PKD1: variants seen among roughly 807,000 people sequenced by gnomAD.
PKD1 encodes polycystin-1.
PKD1 carries 81 observed loss-of-function variants against 361.7 expected under a neutral mutation model. The observed-to-expected ratio is 0.22, with a 90% CI of 0.19 to 0.27. The LOEUF is 0.27. Among genes scored for constraint, PKD1 ranks in the 10% least tolerant of loss-of-function variants. The probability of loss-of-function intolerance (pLI) is 1.00; values close to 1 mark genes in which losing one functional copy is unlikely to be tolerated. For synonymous variants in PKD1, 3,615 were observed against 2,818.3 expected (o/e 1.28, Z -8.95); for missense variants, 6,399 against 6,118.3 (o/e 1.05, Z -1.53).
In PKD1 at chr16:2,109,223, G is replaced by A. The variant is rs775047045; in HGVS notation, c.5944C>T (p.Pro1982Ser). The change falls in exon 15 of 46, where the codon CCT becomes TCT. Residue 1982 changes from proline (P) to serine (S), a missense_variant. Coordinates refer to ENST00000262304, the MANE Select transcript of PKD1 (RefSeq NM_001009944.3). Reference sequence around the variant, plus strand: ...CTCTCAGTGCCCGTGGCGATGCCAGGCTCGCAGCAGTTGGGCACCTGCAGC... The same window carrying A: ...CTCTCAGTGCCCGTGGCGATGCCAGACTCGCAGCAGTTGGGCACCTGCAGC... ...SGLQVPNCCEPGIATGTERNF... is the reference protein window; with the variant it reads ...SGLQVPNCCESGIATGTERNF... The A allele has an allele frequency of 6.3e-7, 1 of 1,591,492 alleles. No homozygotes were observed. The highest frequency in any genetic ancestry group is 8.6e-7 in the Non-Finnish European group (1 of 1,167,840).
At chr16:2,103,241 C>T (rs369196446) in intron 23 of PKD1, 25 bp downstream of exon 23, 54 of 1,607,540 alleles carry the variant, frequency 3.4e-5, no homozygotes, top group East Asian at 3.1e-4. Context: ...CAGGGGGCCG[C>T]GTGTGCCCCA....
rs777585821 is a variant in PKD1, at chr16:2,092,076, C to A, written c.11382G>T (p.Thr3794=). ...GWESPHNGSG[T]WAYSAPDLLG... ...GCAGATCCGGCGCTGAATAGGCCCA[C>A]GTCCCCGAGCCATTGTGAGGACTCT... Residue 3794 remains threonine, a synonymous_variant, in exon 40 of 46, where the codon ACG becomes ACT. Transcript: ENST00000262304. 2 of 1,612,726 alleles carry A rather than the reference C, an allele frequency of 1.2e-6. No homozygotes were observed. Among genetic ancestry groups the A allele is most frequent in the East Asian group, 2.2e-5 (1 of 44,876 alleles).
rs1195047924 is a variant in PKD1 at position 2,111,142 on chromosome 16, C to A, written c.4025G>T (p.Cys1342Phe). 1.2e-6 allele frequency: 2 copies of A among 1,611,002 alleles called. No individual in the cohort carries two copies. Among genetic ancestry groups the A allele is most frequent in the South Asian group, 1.1e-5 (1 of 91,002 alleles). The change falls in exon 15 of 46, where the codon TGC becomes TTC. Residue 1342 changes from cysteine to phenylalanine, a missense_variant. Physicochemically the swap from Cys to Phe is radical, Grantham distance 205. Coordinates refer to ENST00000262304, the MANE Select transcript of PKD1 (RefSeq NM_001009944.3). ...CGTGAAGTTGTGTGTCACCGTCGGG[C>A]ACCCCCGCACGGTCGTGTTGGAGGA... ...DGSSNTTVRG[C>F]PTVTHNFTRS... is the part of the protein sequence containing the mutation.
Position 2,089,550 on chromosome 16 carries a change from T to C in PKD1, c.*177A>G, listed in dbSNP as rs2151669139. On this transcript the variant is annotated 3_prime_UTR_variant, in exon 46 of 46. Coordinates refer to ENST00000262304, the MANE Select transcript of PKD1 (RefSeq NM_001009944.3). ...CTGGGGAGGGGACCCTGGGTCCTGG[T>C]TGGCCACACAGCCTCTTTAAAGTGC... 3 of 736,446 alleles carry C rather than the reference T, an allele frequency of 4.1e-6. No individual in the cohort carries two copies. The highest frequency in any genetic ancestry group is 3.9e-4 in the Middle Eastern group (1 of 2,546). The allele number at this position is 736,446 out of a possible 1,614,324, so 45.6% of individuals were successfully genotyped here. A position where few individuals can be genotyped will look rare whatever the true frequency, so the allele number is the denominator to read the frequency against.
intron 30 of PKD1, 90 bp from the exon 31 acceptor site, chr16:2,098,074 G>A: frequency 4.2e-6 from 3 of 709,262 alleles, no homozygotes; most frequent in Admixed American, 2.0e-5. Flanking sequence ...ACAGGACAGA[G>A]CCCGGTGCCA....
At chr16:2,123,626 C>T (rs2092755925) in intron 1 of PKD1, 2 of 432,478 alleles carry the variant, frequency 4.6e-6, no homozygotes, top group South Asian at 1.7e-5. Flanking sequence ...TGTCTGATGC[C>T]CTGCCCCCAC....
At chr16:2,096,329 G>A (rs2091845021) in intron 34 of PKD1, among the ~76,000 whole-genome samples, 1 of 152,266 alleles carries the variant, frequency 6.6e-6, no homozygotes, top group South Asian at 2.1e-4. Context: ...GCAACGGCAG[G>A]GCCGTGTGGA....
At position 2,093,664 on chromosome 16, in the gene PKD1, C is replaced by G. The variant is rs1416373452; in HGVS notation, c.10896G>C (p.Glu3632Asp). ...LHPDEDDTLV[E>D]SPAVTPVSAR... The stretch of plus-strand genomic sequence containing the variant: ...CGCTCACAGGCGTCACAGCCGGGCT[C>G]TCTACCAGGGTGTCATCTTCATCCG... Residue 3632 changes from glutamate (E) to aspartate (D), a missense_variant, in exon 37 of 46, where the codon GAG becomes GAC. Glu to Asp is a conservative substitution (Grantham distance 45, BLOSUM62 2). Transcript: ENST00000262304. 4.4e-6 allele frequency: 7 copies of G among 1,607,660 alleles called. No individual in the cohort carries two copies. The highest frequency in any genetic ancestry group is 5.1e-6 in the Non-Finnish European group (6 of 1,177,338).
At chr16:2,112,727 T>G in intron 13 of PKD1, 61 bp downstream of exon 13, 5 of 1,551,076 alleles carry the variant, frequency 3.2e-6, no homozygotes, top group Non-Finnish European at 4.4e-6. Context: ...GTCCCTCGGC[T>G]GAGGCTGGGG....
chr16:2,109,009 A>C lies in PKD1; in HGVS notation c.6158T>G (p.Leu2053Arg), dbSNP rs2092433132. Reference sequence around the variant, plus strand: ...GACGGCGTCCTGAACCTCCAGCACCAGCGTGCGGTTCTCACTGCCCAGGGC... The same window carrying C: ...GACGGCGTCCTGAACCTCCAGCACCCGCGTGCGGTTCTCACTGCCCAGGGC... ...FNALGSENRTLVLEVQDAVQY... is the reference protein window; with the variant it reads ...FNALGSENRTRVLEVQDAVQY... Residue 2053 changes from leucine (L) to arginine (R), a missense_variant, in exon 15 of 46, where the codon CTG becomes CGG. Leu to Arg is a moderately radical substitution (Grantham distance 102). Coordinates refer to ENST00000262304, the MANE Select transcript of PKD1 (RefSeq NM_001009944.3). The C allele has an allele frequency of 1.2e-6, 2 of 1,610,510 alleles. No homozygotes were observed. The highest frequency in any genetic ancestry group is 1.1e-5 in the South Asian group (1 of 91,012).
intron 42 of PKD1, 94 bp downstream of exon 42, chr16:2,091,329 G>A (rs1184357): frequency 2.6e-6 from 1 of 390,042 alleles, no homozygotes; most frequent in Non-Finnish European, 3.2e-6. Flanking sequence ...GGGGCGGGGC[G>A]CTGCGAGGGG....
Position 2,114,061 on chromosome 16 carries a change from G to C in PKD1, c.2853+109C>G, listed in dbSNP as rs1332788249. Reference sequence around the variant, plus strand: ...GACCTGCCCGGGGCCGACGTCCCCAGTAACTGGGCTGCTGCCCTCACTGGG... The same window carrying C: ...GACCTGCCCGGGGCCGACGTCCCCACTAACTGGGCTGCTGCCCTCACTGGG... On this transcript the variant is annotated intron_variant, in intron 11 of 45. Coordinates refer to ENST00000262304, the MANE Select transcript of PKD1 (RefSeq NM_001009944.3). The C allele has an allele frequency of 1.8e-5, 17 of 962,880 alleles. No homozygotes were observed. In the African/African-American group the frequency reaches 2.1e-4, roughly 12 times the overall value. 59.6% of individuals were successfully genotyped at this position (962,880 alleles called of 1,614,324 possible).
chr16:2,092,328 T>G (rs1596483629), intron 39 of PKD1, 140 bp from the exon 40 acceptor site: 2 of 1,029,320 alleles, frequency 1.9e-6, no homozygotes, highest in Non-Finnish European at 2.9e-6. Flanking sequence ...TAGACAACGT[T>G]ACCATCTCTC....
Position 2,114,438 on chromosome 16 carries a change from G to A in PKD1, c.2585C>T (p.Pro862Leu). 1 of 1,600,208 alleles carries A rather than the reference G, an allele frequency of 6.2e-7. No individual in the cohort carries two copies. The highest frequency in any genetic ancestry group is 8.5e-7 in the Non-Finnish European group (1 of 1,179,494). ...AAAGCGGGCGCTGACACTGCCCCCA[G>A]GCCAGCGAGCCGTGGCCGTGGCGTT... ...GANATATARW[P>L]GGSVSARFEN... Residue 862 changes from proline to leucine, a missense_variant, in exon 11 of 46, where the codon CCT becomes CTT. Coordinates refer to ENST00000262304, the MANE Select transcript of PKD1 (RefSeq NM_001009944.3).
In PKD1 at chr16:2,113,201, A is replaced by G. The variant is rs1453997310; in HGVS notation, c.2945T>C (p.Phe982Ser). 2 of 1,341,960 alleles carry G rather than the reference A, an allele frequency of 1.5e-6. No individual in the cohort carries two copies. Among genetic ancestry groups the G allele is most frequent in the Middle Eastern group, 2.5e-4 (1 of 3,962 alleles). 83.1% of individuals were successfully genotyped at this position (1,341,960 alleles called of 1,614,324 possible). ...CGCCGCGCTCTGATAAATGACATTG[A>G]AGACCACGTTCTGGAAGGTCAGGGA... ...KQSLTFQNVV[F>S]NVIYQSAAVF... The change falls in exon 12 of 46, where the codon TTC (phenylalanine) becomes TCC (serine). Residue 982 changes from phenylalanine (F) to serine (S), a missense_variant. Transcript: ENST00000262304.
Position 2,108,022 on chromosome 16 carries a change from C to T in PKD1, c.6926G>A (p.Gly2309Asp), listed in dbSNP as rs1464268841. The part of the protein sequence containing the change: ...ACVASTQREA[G>D]GCALNFGPRG... Reference sequence around the variant, plus strand: ...GGGCCCAAAGTTCAGCGCACACCCGCCAGCCTCCCTCTGCAGGCCGAGAAC... The same window carrying T: ...GGGCCCAAAGTTCAGCGCACACCCGTCAGCCTCCCTCTGCAGGCCGAGAAC... The change falls in exon 16 of 46, where the codon GGC becomes GAC. Residue 2309 changes from glycine to aspartate, a missense_variant. Gly to Asp is a moderately conservative substitution (Grantham distance 94). Transcript: ENST00000262304. The T allele has an allele frequency of 6.4e-7, 1 of 1,554,124 alleles. No homozygotes were observed. Among genetic ancestry groups the T allele is most frequent in the East Asian group, 2.4e-5 (1 of 41,550 alleles).
Position 2,110,621 on chromosome 16 carries a change from C to T in PKD1, c.4546G>A (p.Ala1516Thr), listed in dbSNP as rs148164067. The T allele has an allele frequency of 6.7e-3, 10,835 of 1,610,296 alleles. 38 individuals are homozygous for T. Among genetic ancestry groups the T allele is most frequent in the Middle Eastern group, 7.9e-3 (36 of 4,558 alleles). The change falls in exon 15 of 46, where the codon GCT becomes ACT. Residue 1516 changes from alanine to threonine, a missense_variant. By Grantham distance (58) the Ala-to-Thr change is moderately conservative. Transcript: ENST00000262304. ...GTGAAGTCACCTGTGCTGTTGTAAG[C>T]GTGGGTGACCTCCGGACCCTCGAGC... ...GWLEGPEVTH[A>T]YNSTGDFTVR...
At chr16:2,094,496 G>C (rs2091759622) in intron 34 of PKD1, among the ~76,000 whole-genome samples, 1 of 152,216 alleles carries the variant, frequency 6.6e-6, no homozygotes, top group Non-Finnish European at 1.5e-5. Context: ...CCTTACAGCA[G>C]TGCACAGTCT....
Position 2,114,578 on chromosome 16 carries a change from A to G in PKD1, c.2445T>C (p.Phe815=), listed in dbSNP as rs758277370. ...GCCCAGCCACTGGGGAGACCACGTC[A>G]AAGCTGCAGGAGAGGTTGTGCCTGG... ...GVSRHNLSCS[F]DVVSPVAGLR... The change falls in exon 11 of 46, where the codon TTT becomes TTC. Residue 815 remains phenylalanine (F), a synonymous_variant. Coordinates refer to ENST00000262304, the MANE Select transcript of PKD1 (RefSeq NM_001009944.3). The G allele has an allele frequency of 2.5e-6, 4 of 1,594,112 alleles. No homozygotes were observed. The highest frequency in any genetic ancestry group is 2.2e-4 in the Middle Eastern group (1 of 4,446).
Sources: allele counts gnomAD v4.1 joint callset (sites outside exome capture counted in the v4.1 genomes callset), GRCh38; gene constraint gnomAD v4.1.1; transcripts MANE v1.5; gene names NCBI Gene and HGNC (gene_info 2026-07-23, HGNC 2026-07-21).